Variants in PRKD1 observed in about 807,000 individuals in gnomAD.
PRKD1 encodes protein kinase D1.
In PRKD1, 63 loss-of-function variants were observed where a neutral mutation model predicts 95.9. The observed-to-expected ratio is 0.66, with a 90% CI of 0.54 to 0.81. PRKD1 has a LOEUF of 0.81. Ranked by LOEUF, PRKD1 falls within the 30% of genes least tolerant of loss-of-function variation. PRKD1 has a pLI of 0.00. For missense variants in PRKD1, 1,048 were observed against 1,165.3 expected (o/e 0.90, Z 1.47); for synonymous variants, 425 against 423.1 (o/e 1.00, Z -0.05).
intron 2 of PRKD1, among the ~76,000 whole-genome samples, chr14:29,698,936 T>C (rs933078866): frequency 2.0e-5 from 3 of 152,136 alleles, no homozygotes; most frequent in Admixed American, 6.5e-5. Context: ...TGGTTAAGTA[T>C]AGCCTTTGAC....
At chr14:29,767,279 C>T (rs1888298648) in intron 1 of PRKD1, among the ~76,000 whole-genome samples, 1 of 152,074 alleles carries the variant, frequency 6.6e-6, no homozygotes, top group South Asian at 2.1e-4. Flanking sequence ...TTAATGTCAC[C>T]TAATTTATCT....
chr14:29,763,369 G>GGGAA (rs1288135748), intron 1 of PRKD1, among the ~76,000 whole-genome samples: 26 of 126,506 alleles, frequency 2.1e-4, no homozygotes, highest in African/African-American at 6.4e-4. Context: ...GAAGGAAGGA[G>GGGAA]GGAAGGAAGG....
At chr14:29,650,364 T>C (rs1323243846) in intron 4 of PRKD1, 1 of 152,382 alleles carries the variant, frequency 6.6e-6, no homozygotes, top group East Asian at 1.9e-4. Context: ...ACTGGTTCCG[T>C]TGCACTGTCT....
intron 2 of PRKD1, among the ~76,000 whole-genome samples, chr14:29,678,352 C>T (rs1422777659): frequency 6.6e-6 from 1 of 152,204 alleles, no homozygotes; most frequent in Non-Finnish European, 1.5e-5. Flanking sequence ...TGCTCATAAA[C>T]ATTAGCCATT....
chr14:29,585,304 G>A (rs559255096), intron 16 of PRKD1, among the ~76,000 whole-genome samples: 7 of 152,280 alleles, frequency 4.6e-5, no homozygotes, highest in East Asian at 3.9e-4. Flanking sequence ...GGAAATCATC[G>A]TCTCACTCAC....
chr14:29,766,355 A>T (rs1594497794), intron 1 of PRKD1, among the ~76,000 whole-genome samples: 1 of 152,100 alleles, frequency 6.6e-6, no homozygotes, highest in African/African-American at 2.4e-5. Flanking sequence ...CCATGACACA[A>T]TGCATGCTGG....
intron 2 of PRKD1, among the ~76,000 whole-genome samples, chr14:29,672,458 C>T (rs1882917696): frequency 6.6e-6 from 1 of 151,938 alleles, no homozygotes; most frequent in South Asian, 2.1e-4. Flanking sequence ...AAAATAATTA[C>T]CTGCTGAGCA....
In PRKD1 at chr14:29,736,285, T is replaced by C. The variant is rs1247875507; in HGVS notation, c.265-10611A>G. 2.0e-5 allele frequency among the ~76,000 whole-genome samples: 3 copies of C among 152,322 alleles called. No homozygotes were observed. The South Asian group carries it at 6.2e-4, about 32-fold the overall frequency. ...ACTGCTAAGAGAAAAATCCGTTTTATTGAACATAACATTCTGCCTAAATAG... is the reference window on the plus strand; with the variant it reads ...ACTGCTAAGAGAAAAATCCGTTTTACTGAACATAACATTCTGCCTAAATAG... On this transcript the variant is annotated intron_variant, in intron 1 of 17. Coordinates refer to ENST00000331968, the MANE Select transcript of PRKD1 (RefSeq NM_002742.3).
intron 1 of PRKD1, among the ~76,000 whole-genome samples, chr14:29,860,584 G>A (rs1274963581): frequency 1.3e-5 from 2 of 152,088 alleles, no homozygotes; most frequent in Non-Finnish European, 2.9e-5. Context: ...AGCTGATACA[G>A]GAAGATACTT....
intron 4 of PRKD1, among the ~76,000 whole-genome samples, chr14:29,646,084 T>C (rs1036498255): frequency 6.6e-6 from 1 of 152,150 alleles, no homozygotes; most frequent in African/African-American, 2.4e-5. Flanking sequence ...TATATACATA[T>C]ATGAAAGTTC....
chr14:29,835,864 C>A (rs1234847013), intron 1 of PRKD1, among the ~76,000 whole-genome samples: 1 of 152,206 alleles, frequency 6.6e-6, no homozygotes. Context: ...CCACCACACC[C>A]AGCCTGAACA....
chr14:29,716,183 G>C (rs1039578841), intron 2 of PRKD1, among the ~76,000 whole-genome samples: 4 of 152,070 alleles, frequency 2.6e-5, no homozygotes, highest in African/African-American at 9.7e-5. Context: ...TCTTCAATTA[G>C]CACAGTAATA....
intron 1 of PRKD1, among the ~76,000 whole-genome samples, chr14:29,821,254 G>C (rs1406941275): frequency 6.6e-6 from 1 of 151,942 alleles, no homozygotes. Context: ...TGAGAAGACA[G>C]CTAAGATAGA....
At chr14:29,628,220 A>T (rs751898458) in intron 11 of PRKD1, among the ~76,000 whole-genome samples, 4 of 152,218 alleles carry the variant, frequency 2.6e-5, no homozygotes, top group Non-Finnish European at 4.4e-5. Context: ...ACTTTAATGT[A>T]GTTTTCAGAA....
At chr14:29,684,021 G>C (rs147315060) in intron 2 of PRKD1, among the ~76,000 whole-genome samples, 1 of 152,138 alleles carries the variant, frequency 6.6e-6, no homozygotes, top group Non-Finnish European at 1.5e-5. Flanking sequence ...TCTTAATGCC[G>C]TGGGATTTCC....
At chr14:29,664,015 T>C (rs2139212770) in intron 3 of PRKD1, among the ~76,000 whole-genome samples, 156 bp from the exon 4 acceptor site, 2 of 152,318 alleles carry the variant, frequency 1.3e-5, no homozygotes, top group East Asian at 3.9e-4. Flanking sequence ...CTCTGAATTT[T>C]TTTTCCAATT....
At chr14:29,638,671 A>G (rs770946510) in intron 5 of PRKD1, 23 bp downstream of exon 5, 25 of 1,612,812 alleles carry the variant, frequency 1.6e-5, no homozygotes, top group Non-Finnish European at 1.8e-5. Context: ...TCAAAGTTCG[A>G]CAGGTGACAA....
intron 1 of PRKD1, among the ~76,000 whole-genome samples, chr14:29,735,388 A>G (rs578039077): frequency 6.6e-6 from 1 of 152,240 alleles, no homozygotes; most frequent in Non-Finnish European, 1.5e-5. Context: ...ATTAAAATGC[A>G]GGACTGTAAT....
In PRKD1 at chr14:29,599,184, C is replaced by T. The variant is rs1594350507; in HGVS notation, c.2068-59G>A. 7.5e-6 allele frequency: 11 copies of T among 1,472,808 alleles called. No individual in the cohort carries two copies. The East Asian group carries it at 9.1e-5, about 12-fold the overall frequency. 91.2% of individuals were successfully genotyped at this position (1,472,808 alleles called of 1,614,324 possible). ...TTTATTAATTTCAAAATGTCTTCTA[C>T]CAGTTAAAAGGCCAAGAAAAAAAAC... On this transcript the variant is annotated intron_variant, in intron 14 of 17. Coordinates refer to ENST00000331968, the MANE Select transcript of PRKD1 (RefSeq NM_002742.3).
Sources: allele counts gnomAD v4.1 joint callset (sites outside exome capture counted in the v4.1 genomes callset), GRCh38; gene constraint gnomAD v4.1.1; transcripts MANE v1.5; gene names NCBI Gene and HGNC (gene_info 2026-07-23, HGNC 2026-07-21).